The following STPG2 variants were observed in gnomAD, a reference collection of about 807,000 sequenced individuals.
The protein encoded by STPG2 is sperm tail PG-rich repeat containing 2, also known as sperm-tail PG-rich repeat-containing protein 2.
STPG2 carries 56 observed loss-of-function variants against 54.2 expected under a neutral mutation model. That is an observed-to-expected ratio of 1.03 (90% CI 0.83 to 1.29). The LOEUF (loss-of-function observed/expected upper bound fraction) is 1.29. Among genes scored for constraint, STPG2 ranks in the 50% most tolerant of loss-of-function variants. The pLI is 0.00. For missense variants in STPG2, 596 were observed against 544.9 expected, an observed-to-expected ratio of 1.09 and a Z score of -0.93; for synonymous variants, 200 against 181.8, an observed-to-expected ratio of 1.10 and a Z score of -0.81.
intron 4 of STPG2, among the ~76,000 whole-genome samples, chr4:97,484,904 T>A (rs1330357257): frequency 1.3e-5 from 2 of 151,686 alleles, no homozygotes; most frequent in Non-Finnish European, 3.0e-5. Context: ...GACAGTTTGA[T>A]ATACACAAGT....
rs7692176 is a variant in STPG2, at chr4:97,955,254, G to A, written c.934-11247C>T. On this transcript the variant is annotated intron_variant, in intron 7 of 10. Transcript: ENST00000295268. ...TTTTGAGACAGCATCTCACTCTGTC[G>A]CCCAGGCTGGAGTGCAGTGGCACGA... Among the ~76,000 whole-genome samples, 502 of 143,074 alleles carry A rather than the reference G, an allele frequency of 3.5e-3. 1 individual carries two copies. The highest frequency in any genetic ancestry group is 9.3e-3 in the African/African-American group (359 of 38,508). The allele number at this position is 143,074 out of a possible 152,430, so 93.9% of individuals were successfully genotyped here.
chr4:98,084,911 A>G (rs1199356895), intron 5 of STPG2, among the ~76,000 whole-genome samples: 4 of 152,084 alleles, frequency 2.6e-5, no homozygotes, highest in African/African-American at 9.7e-5. Flanking sequence ...TAGACTTTTC[A>G]TTATCTTAAT....
At chr4:97,974,773 C>A (rs1487316364) in intron 6 of STPG2, among the ~76,000 whole-genome samples, 1 of 151,900 alleles carries the variant, frequency 6.6e-6, no homozygotes, top group East Asian at 1.9e-4. Flanking sequence ...TCCATTAAAC[C>A]TCTTTCTTTT....
chr4:97,772,284 T>C (rs1041151934), intron 9 of STPG2, among the ~76,000 whole-genome samples: 4 of 152,230 alleles, frequency 2.6e-5, no homozygotes, highest in African/African-American at 7.2e-5. Flanking sequence ...AAATTCACTA[T>C]GTGTAACATA....
intron 4 of STPG2, among the ~76,000 whole-genome samples, chr4:97,452,349 C>T (rs1229798661): frequency 6.6e-6 from 1 of 152,140 alleles, no homozygotes; most frequent in African/African-American, 2.4e-5. Context: ...TGGAGACAGA[C>T]AGATTCCTGG....
chr4:97,739,472 C>T (rs1725143228), intron 9 of STPG2, among the ~76,000 whole-genome samples: 1 of 151,904 alleles, frequency 6.6e-6, no homozygotes, highest in African/African-American at 2.4e-5. Flanking sequence ...GCTAGCAAGA[C>T]TAATAAAGAA....
At chr4:97,826,826 ATAATTG>A (rs1210070455) in intron 9 of STPG2, among the ~76,000 whole-genome samples, 1 of 152,256 alleles carries the variant, frequency 6.6e-6, no homozygotes, top group African/African-American at 2.4e-5. Flanking sequence ...ATTATCAGTA[ATAATTG>A]TAATTGTTAC....
intron 9 of STPG2, among the ~76,000 whole-genome samples, chr4:97,775,046 G>C (rs561059283): frequency 6.5e-4 from 99 of 152,210 alleles, no homozygotes; most frequent in African/African-American, 2.4e-3. Flanking sequence ...CTTTTGAATA[G>C]AATTAAATTC....
intron 5 of STPG2, chr4:98,025,984 G>C: frequency 8.6e-7 from 1 of 1,161,116 alleles, no homozygotes; most frequent in Non-Finnish European, 1.3e-6. Flanking sequence ...GCACATTGTG[G>C]GCCAGAATGT....
At chr4:97,824,064 T>C (rs1027431536) in intron 9 of STPG2, among the ~76,000 whole-genome samples, 4 of 152,140 alleles carry the variant, frequency 2.6e-5, no homozygotes, top group African/African-American at 7.2e-5. Context: ...CTGACGGCTA[T>C]GGGTGGCAGA....
intron 8 of STPG2, among the ~76,000 whole-genome samples, chr4:97,940,673 C>T (rs1176727907): frequency 2.6e-5 from 4 of 152,062 alleles, no homozygotes; most frequent in Non-Finnish European, 5.9e-5. Context: ...CTTTTTTATA[C>T]CAGCTATTTC....
chr4:97,923,401 G>A (rs1732201373), intron 8 of STPG2, among the ~76,000 whole-genome samples: 1 of 152,082 alleles, frequency 6.6e-6, no homozygotes, highest in South Asian at 2.1e-4. Flanking sequence ...GGGCTAAGGA[G>A]TGCAGGCGCA....
At chr4:97,584,449 A>T (rs890692373) in intron 10 of STPG2, among the ~76,000 whole-genome samples, 7 of 152,136 alleles carry the variant, frequency 4.6e-5, no homozygotes, top group Non-Finnish European at 2.9e-5. Context: ...AGAAACAGAC[A>T]ATCTAAGGTC....
At chr4:98,034,884 T>C (rs1035534109) in intron 5 of STPG2, among the ~76,000 whole-genome samples, 1 of 152,178 alleles carries the variant, frequency 6.6e-6, no homozygotes, top group African/African-American at 2.4e-5. Context: ...TTGAGAAAAC[T>C]GGCTAGCCAT....
At chr4:97,561,794 A>G (rs1005172826) in intron 10 of STPG2, among the ~76,000 whole-genome samples, 1 of 151,984 alleles carries the variant, frequency 6.6e-6, no homozygotes, top group African/African-American at 2.4e-5. Flanking sequence ...TGTTCCATTG[A>G]TCTATATCTC....
rs190257424 is a variant in STPG2 at position 97,486,435 on chromosome 4, A to G, written c.462+226264T>C. On this transcript the variant is annotated intron_variant, in intron 4 of 4. Coordinates refer to the STPG2 transcript ENST00000522676. ...GAAAAAATGTTCAACATCACTAATGATCAGGGAAATGCATATCAAAACCAC... is the reference window on the plus strand; with the variant it reads ...GAAAAAATGTTCAACATCACTAATGGTCAGGGAAATGCATATCAAAACCAC... Among the ~76,000 whole-genome samples the G allele has an allele frequency of 5.2e-3, 790 of 152,066 alleles. 10 individuals are homozygous for G. The highest frequency in any genetic ancestry group is 0.018 in the African/African-American group (742 of 41,524).
intron 5 of STPG2, among the ~76,000 whole-genome samples, chr4:98,027,912 CT>C (rs1736476589): frequency 6.6e-6 from 1 of 152,144 alleles, no homozygotes; most frequent in Non-Finnish European, 1.5e-5. Context: ...TCAGTCCAAG[CT>C]GGCAGTGCTG....
At chr4:97,839,874 T>C (rs937396630) in intron 9 of STPG2, among the ~76,000 whole-genome samples, 2 of 151,780 alleles carry the variant, frequency 1.3e-5, no homozygotes, top group East Asian at 3.9e-4. Context: ...CTTCATTCTG[T>C]TTCATTTTTT....
intron 9 of STPG2, among the ~76,000 whole-genome samples, chr4:97,838,222 G>A (rs1300298725): frequency 6.6e-6 from 1 of 151,290 alleles, no homozygotes; most frequent in Non-Finnish European, 1.5e-5. Flanking sequence ...ATGTTTAAAA[G>A]AGAAATAATA....
Sources: gnomAD v4.1 joint callset for allele counts (sites outside exome capture counted in the v4.1 genomes callset) on GRCh38, gnomAD v4.1.1 for gene constraint, MANE v1.5 for transcripts, NCBI Gene and HGNC (gene_info 2026-07-23, HGNC 2026-07-21) for gene names.